The following MAP7D2 variants were observed in gnomAD, a reference collection of about 807,000 sequenced individuals.
MAP7D2 encodes MAP7 domain containing 2.
A neutral mutation model predicts 63.5 loss-of-function variants in MAP7D2; 33 were observed. That is an observed-to-expected ratio of 0.52 (90% CI 0.39 to 0.70). MAP7D2 has a LOEUF of 0.70. MAP7D2 is among the 30% of genes least tolerant of loss of function. MAP7D2 has a pLI of 0.00. For missense variants in MAP7D2, 626 were observed against 604.0 expected (o/e 1.04, Z -0.38); for synonymous variants, 224 against 223.7 (o/e 1.00, Z -0.01).
intron 1 of MAP7D2, among the ~76,000 whole-genome samples, chrX:20,103,993 G>C (rs1377872218): frequency 1.8e-5 from 2 of 112,141 alleles, no homozygotes; most frequent in Non-Finnish European, 3.8e-5. Flanking sequence ...TGGGCCTCTT[G>C]GTTGAAACAG....
chrX:20,103,081 C>A (rs1016098224), intron 1 of MAP7D2, among the ~76,000 whole-genome samples: 5 of 111,452 alleles, frequency 4.5e-5, no homozygotes, highest in African/African-American at 1.6e-4. Context: ...GCAAAGGCAT[C>A]CAATGCCCCC....
intron 1 of MAP7D2, among the ~76,000 whole-genome samples, chrX:20,081,199 T>G (rs2065768557): frequency 8.9e-6 from 1 of 112,582 alleles, no homozygotes. Flanking sequence ...GTTTCCAGTA[T>G]TAGCAATGTC....
At chrX:20,024,833 G>A (rs1215067494) in intron 10 of MAP7D2, 118 bp downstream of exon 10, 2 of 787,124 alleles carry the variant, frequency 2.5e-6, no homozygotes, top group Non-Finnish European at 3.6e-6. Flanking sequence ...AGACATTCTA[G>A]GTTCCCATAC....
At chrX:20,033,418 C>T (rs905527580) in intron 8 of MAP7D2, among the ~76,000 whole-genome samples, 1 of 112,052 alleles carries the variant, frequency 8.9e-6, no homozygotes, top group Non-Finnish European at 1.9e-5. Flanking sequence ...ATCCACTTGG[C>T]CACACTGGAT....
At chrX:20,020,557 C>T (rs1009144282) in intron 10 of MAP7D2, among the ~76,000 whole-genome samples, 2 of 111,950 alleles carry the variant, frequency 1.8e-5, no homozygotes, top group African/African-American at 6.5e-5. Context: ...GCTCTCCCTA[C>T]AGCCCTGTGC....
chrX:20,049,421 A>C (rs2064887551), intron 6 of MAP7D2, among the ~76,000 whole-genome samples: 1 of 108,511 alleles, frequency 9.2e-6, no homozygotes, highest in Non-Finnish European at 1.9e-5. Flanking sequence ...ACAGGTGTGC[A>C]CCACCACACC....
intron 8 of MAP7D2, among the ~76,000 whole-genome samples, chrX:20,027,758 GAGAGAGA>G (rs1162788120): frequency 1.2e-3 from 45 of 38,579 alleles, no homozygotes; most frequent in African/African-American, 0.012. Context: ...AAGGCGGGGG[GAGAGAGA>G]GAGAGAGAGA....
At chrX:20,064,108 C>T (rs2065289097) in intron 2 of MAP7D2, among the ~76,000 whole-genome samples, 1 of 111,954 alleles carries the variant, frequency 8.9e-6, no homozygotes, top group African/African-American at 3.3e-5. Flanking sequence ...CTTAATTCCA[C>T]CTAGCCAAGG....
At position 20,013,048 on chromosome X, in the gene MAP7D2, A is replaced by G. The variant is rs747249035; in HGVS notation, c.1885+6T>C. 26 of 1,201,256 alleles carry G rather than the reference A, an allele frequency of 2.2e-5. No individual in the cohort carries two copies. The Admixed American group carries it at 4.4e-4, about 20-fold the overall frequency. ...GAAGAACCCAAGAACCAGATGTCAC[A>G]CTCACCCATTTTGTTGGGGACAACC... On this transcript the variant is annotated splice_donor_region_variant and intron_variant, in intron 14 of 16. Transcript: ENST00000379643.
chrX:20,109,046 C>T (rs999772896), intron 1 of MAP7D2, among the ~76,000 whole-genome samples: 4 of 109,210 alleles, frequency 3.7e-5, no homozygotes, highest in Non-Finnish European at 5.7e-5. Flanking sequence ...AGATCCCCAT[C>T]GCCTTTGGGG....
At chrX:20,087,172 C>A (rs1394027581) in intron 1 of MAP7D2, among the ~76,000 whole-genome samples, 1 of 112,114 alleles carries the variant, frequency 8.9e-6, no homozygotes, top group Non-Finnish European at 1.9e-5. Flanking sequence ...ATATATTTCA[C>A]TTCACAACAG....
At chrX:20,084,298 A>T (rs1022990856) in intron 1 of MAP7D2, among the ~76,000 whole-genome samples, 1 of 111,314 alleles carries the variant, frequency 9.0e-6, no homozygotes, top group African/African-American at 3.3e-5. Context: ...GAATAAAAAA[A>T]CCTTCTTCAC....
intron 1 of MAP7D2, among the ~76,000 whole-genome samples, chrX:20,091,044 G>A (rs2066055489): frequency 9.2e-6 from 1 of 108,549 alleles, no homozygotes; most frequent in African/African-American, 3.4e-5. Context: ...CACTGTGAGT[G>A]GAACACTCTT....
chrX:20,018,149 A>T (rs1404189497), intron 10 of MAP7D2, among the ~76,000 whole-genome samples: 1 of 109,937 alleles, frequency 9.1e-6, no homozygotes, highest in Non-Finnish European at 1.9e-5. Flanking sequence ...TATTTTTAGT[A>T]GAGACGGGGT....
In MAP7D2 at chrX:20,064,824, G is replaced by C. The variant is rs2065310128; in HGVS notation, c.131-19C>G. ...TCCATGCCTACAAAGGAGAAAACTA[G>C]ATTATGTTTCAGTTCTTCACTCTTT... is the stretch of plus-strand genomic sequence containing the variant. On this transcript the variant is annotated intron_variant, in intron 1 of 16. Transcript: ENST00000379643. 2 of 1,184,480 alleles carry C rather than the reference G, an allele frequency of 1.7e-6. No homozygotes were observed. Among genetic ancestry groups the C allele is most frequent in the Non-Finnish European group, 2.3e-6 (2 of 870,814 alleles).
chrX:20,015,491 A>G (rs774580618), intron 11 of MAP7D2, among the ~76,000 whole-genome samples, 164 bp from the exon 12 acceptor site: 1 of 112,543 alleles, frequency 8.9e-6, no homozygotes, highest in African/African-American at 3.2e-5. Context: ...GACACAGCAA[A>G]CATGGTTGGA....
At chrX:20,048,164 A>G (rs994334677) in intron 6 of MAP7D2, among the ~76,000 whole-genome samples, 2 of 111,743 alleles carry the variant, frequency 1.8e-5, no homozygotes, top group Non-Finnish European at 3.8e-5. Flanking sequence ...TCCCCCTTTA[A>G]CTGTTGAGTG....
At chrX:20,065,675 A>G (rs956002875) in intron 1 of MAP7D2, among the ~76,000 whole-genome samples, 2 of 111,742 alleles carry the variant, frequency 1.8e-5, no homozygotes, top group Non-Finnish European at 3.8e-5. Flanking sequence ...CAATCTTAGT[A>G]TCTTAGAATC....
intron 1 of MAP7D2, among the ~76,000 whole-genome samples, chrX:20,065,726 C>A (rs182518137): frequency 8.9e-6 from 1 of 111,853 alleles, no homozygotes; most frequent in East Asian, 2.8e-4. Flanking sequence ...CAAATGACAA[C>A]TTCCCCGAAA....
Sources: allele counts gnomAD v4.1 joint callset (sites outside exome capture counted in the v4.1 genomes callset), GRCh38; gene constraint gnomAD v4.1.1; transcripts MANE v1.5; gene names NCBI Gene and HGNC (gene_info 2026-07-23, HGNC 2026-07-21).